Variants in GPCPD1 observed in about 807,000 individuals in gnomAD.
GPCPD1 encodes glycerophosphocholine phosphodiesterase 1, also known as glycerophosphocholine phosphodiesterase GPCPD1.
In GPCPD1, 29 loss-of-function variants were observed where a neutral mutation model predicts 89.2. The ratio of observed to expected loss-of-function variants is 0.33; its 90% CI spans 0.24 to 0.44. The LOEUF (loss-of-function observed/expected upper bound fraction) is 0.44. Ranked by LOEUF, GPCPD1 falls within the 20% of genes least tolerant of loss-of-function variation. The pLI is 1.00. For synonymous variants in GPCPD1, 258 were observed against 266.3 expected, an observed-to-expected ratio of 0.97 and a Z score of 0.30; for missense variants, 594 against 808.9, an observed-to-expected ratio of 0.73 and a Z score of 3.22.
At chr20:5,548,626 C>T (rs530864035) in intron 19 of GPCPD1, among the ~76,000 whole-genome samples, 1 of 152,246 alleles carries the variant, frequency 6.6e-6, no homozygotes, top group Non-Finnish European at 1.5e-5. Flanking sequence ...CCCTATATTC[C>T]ATTAAAAATA....
In GPCPD1 at chr20:5,575,835, T is replaced by C. The variant is rs1413889048; in HGVS notation, c.849A>G (p.Lys283=). Residue 283 remains lysine (K), a synonymous_variant, in exon 9 of 20, where the codon AAA becomes AAG. Transcript: ENST00000379019. ...TLPIMSRNSR[K]TIGKVRVDYI... Reference sequence around the variant, plus strand: ...CCTTACCTCTCACTTTGCCTATTGTTTTCCGGGAATTTCTGCTCATGATGG... The same window carrying C: ...CCTTACCTCTCACTTTGCCTATTGTCTTCCGGGAATTTCTGCTCATGATGG... 3 of 1,610,382 alleles carry C rather than the reference T, an allele frequency of 1.9e-6. No homozygotes were observed. The highest frequency in any genetic ancestry group is 1.7e-5 in the Admixed American group (1 of 59,962).
chr20:5,552,766 A>G (rs1216185231), intron 19 of GPCPD1, among the ~76,000 whole-genome samples: 1 of 152,232 alleles, frequency 6.6e-6, no homozygotes, highest in Non-Finnish European at 1.5e-5. Context: ...TACTTGGACT[A>G]CAATTTTAAA....
intron 10 of GPCPD1, 108 bp downstream of exon 10, chr20:5,575,305 C>T: frequency 1.2e-6 from 1 of 802,032 alleles, no homozygotes; most frequent in Non-Finnish European, 1.9e-6. Context: ...CACTAAATTC[C>T]CTTGGTAAAT....
chr20:5,554,287 C>A (rs6107652), intron 19 of GPCPD1, among the ~76,000 whole-genome samples: 43,076 of 143,624 alleles, frequency 0.3, 9,670 homozygotes, highest in Middle Eastern at 0.39. Context: ...CCCGGCCGAA[C>A]AACAGATTTT....
chr20:5,570,368 G>T, intron 11 of GPCPD1, 129 bp from the exon 12 acceptor site: 42 of 172,286 alleles, frequency 2.4e-4, no homozygotes, highest in East Asian at 6.3e-4. Context: ...AAAAAGTAAT[G>T]TATTCTCTTA....
At chr20:5,568,584 T>C (rs1221493353) in intron 12 of GPCPD1, among the ~76,000 whole-genome samples, 1 of 152,134 alleles carries the variant, frequency 6.6e-6, no homozygotes, top group Non-Finnish European at 1.5e-5. Context: ...ATTAGTAATA[T>C]TTGAACTCTC....
chr20:5,582,972 C>T (rs1375033797), intron 6 of GPCPD1, among the ~76,000 whole-genome samples: 6 of 151,794 alleles, frequency 4.0e-5, no homozygotes, highest in African/African-American at 7.3e-5. Context: ...CGGTGGCACA[C>T]GCCTGTAATC....
At chr20:5,594,446 C>T (rs1038015453) in intron 3 of GPCPD1, among the ~76,000 whole-genome samples, 3 of 152,140 alleles carry the variant, frequency 2.0e-5, no homozygotes, top group Admixed American at 6.5e-5. Context: ...CCCGCCACCA[C>T]GCCTGGCTAA....
chr20:5,564,838 TCACACA>T (rs111846425), intron 15 of GPCPD1, among the ~76,000 whole-genome samples, 173 bp downstream of exon 15: 7 of 150,446 alleles, frequency 4.7e-5, no homozygotes, highest in African/African-American at 1.7e-4. Flanking sequence ...GGATTGTCAC[TCACACA>T]CACACACACA....
chr20:5,579,870 C>T (rs779321592), intron 7 of GPCPD1, 138 bp downstream of exon 7: 23 of 505,360 alleles, frequency 4.6e-5, no homozygotes, highest in Non-Finnish European at 6.1e-5. Flanking sequence ...AAGTAGTTCA[C>T]TATTACAAAG....
chr20:5,593,013 A>G (rs6085222), intron 4 of GPCPD1, among the ~76,000 whole-genome samples: 68,019 of 151,988 alleles, frequency 0.45, 15,456 homozygotes, highest in East Asian at 0.62. Flanking sequence ...CAAAACCAAA[A>G]GTAAAAGCTC....
chr20:5,594,368 C>T (rs1474369548), intron 3 of GPCPD1, among the ~76,000 whole-genome samples: 4 of 151,952 alleles, frequency 2.6e-5, no homozygotes, highest in Admixed American at 6.6e-5. Flanking sequence ...CAGCTCACTG[C>T]AAGCTCCGCC....
chr20:5,601,546 T>C (rs1489616031), intron 2 of GPCPD1, among the ~76,000 whole-genome samples: 1 of 151,948 alleles, frequency 6.6e-6, no homozygotes, highest in African/African-American at 2.4e-5. Context: ...TTTTTGTATT[T>C]TTAGTAGAGA....
intron 11 of GPCPD1, 29 bp from the exon 12 acceptor site, chr20:5,570,268 A>T (rs772888409): frequency 1.4e-5 from 16 of 1,161,030 alleles, no homozygotes; most frequent in Non-Finnish European, 1.9e-5. Context: ...TATTTGAAAA[A>T]CATTGCCTGG....
chr20:5,564,685 A>C (rs1201742320), intron 15 of GPCPD1, among the ~76,000 whole-genome samples: 1 of 152,132 alleles, frequency 6.6e-6, no homozygotes, highest in East Asian at 1.9e-4. Context: ...AAAAATAAAA[A>C]AATTAGCCAG....
Position 5,584,309 on chromosome 20 carries a change from A to T in GPCPD1, c.321T>A (p.Ile107=). 2 of 1,420,172 alleles carry T rather than the reference A, an allele frequency of 1.4e-6. No individual in the cohort carries two copies. The highest frequency in any genetic ancestry group is 9.9e-7 in the Non-Finnish European group (1 of 1,006,876). 88.0% of individuals were successfully genotyped at this position (1,420,172 alleles called of 1,614,324 possible). A position where few individuals can be genotyped will look rare whatever the true frequency, so the allele number is the denominator to read the frequency against. Reference sequence around the variant, plus strand: ...GGATTCCAAATTGTCCATCGTCAATAATAATTTCGCTTTCTAGAATTTAAG... The same window carrying T: ...GGATTCCAAATTGTCCATCGTCAATTATAATTTCGCTTTCTAGAATTTAAG... ...RSITPLESEI[I]IDDGQFGIHN... Residue 107 remains isoleucine (I), a synonymous_variant, in exon 6 of 20, where the codon ATT becomes ATA. Transcript: ENST00000379019.
chr20:5,555,933 A>T (rs746278207), intron 19 of GPCPD1, among the ~76,000 whole-genome samples: 30 of 152,174 alleles, frequency 2.0e-4, no homozygotes, highest in Non-Finnish European at 4.0e-4. Flanking sequence ...CAACAGAGAA[A>T]TATTGTGTAA....
At chr20:5,575,183 C>T (rs1978286325) in intron 10 of GPCPD1, among the ~76,000 whole-genome samples, 2 of 152,182 alleles carry the variant, frequency 1.3e-5, no homozygotes, top group Admixed American at 1.3e-4. Context: ...CTGCACCAAG[C>T]TTTCCTTCCT....
chr20:5,548,282 T>A (rs1293654517), intron 19 of GPCPD1: 2 of 153,262 alleles, frequency 1.3e-5, no homozygotes, highest in Non-Finnish European at 2.9e-5. Flanking sequence ...ACTCTAAAGC[T>A]GCTCAATAAC....
Sources: allele counts gnomAD v4.1 joint callset (sites outside exome capture counted in the v4.1 genomes callset), GRCh38; gene constraint gnomAD v4.1.1; transcripts MANE v1.5; gene names NCBI Gene and HGNC (gene_info 2026-07-23, HGNC 2026-07-21).